EGFLAM: variants seen among roughly 807,000 people sequenced by gnomAD.
EGFLAM encodes the protein EGF like, fibronectin type III and laminin G domains.
In EGFLAM, 79 loss-of-function variants were observed where a neutral mutation model predicts 113.1. The ratio of observed to expected loss-of-function variants is 0.70; its 90% CI spans 0.58 to 0.84. The LOEUF is 0.84. EGFLAM is among the 40% of genes least tolerant of loss of function. EGFLAM has a pLI of 0.00. For synonymous variants in EGFLAM, 504 were observed against 487.6 expected (o/e 1.03, Z -0.44); for missense variants, 1,265 against 1,291.6 (o/e 0.98, Z 0.32).
chr5:38,325,153 G>A (rs1402120279), intron 1 of EGFLAM, among the ~76,000 whole-genome samples: 1 of 152,092 alleles, frequency 6.6e-6, no homozygotes, highest in African/African-American at 2.4e-5. Flanking sequence ...CTGAGAACAG[G>A]GAATCTGGGC....
At chr5:38,457,498 A>G (rs1743128305) in intron 19 of EGFLAM, among the ~76,000 whole-genome samples, 1 of 152,028 alleles carries the variant, frequency 6.6e-6, no homozygotes, top group African/African-American at 2.4e-5. Flanking sequence ...CCAGTTTCCC[A>G]TGGCTTTCCC....
chr5:38,302,073 C>T (rs1758594632), intron 1 of EGFLAM, among the ~76,000 whole-genome samples: 1 of 152,006 alleles, frequency 6.6e-6, no homozygotes, highest in Admixed American at 6.6e-5. Flanking sequence ...AACCCCGTCT[C>T]TACTAAATAC....
chr5:38,283,378 T>C (rs1302070585), intron 1 of EGFLAM, among the ~76,000 whole-genome samples: 1 of 152,216 alleles, frequency 6.6e-6, no homozygotes, highest in Non-Finnish European at 1.5e-5. Context: ...TATAATTTGC[T>C]TCTAGATCAT....
intron 1 of EGFLAM, among the ~76,000 whole-genome samples, chr5:38,326,318 T>C (rs923026434): frequency 5.3e-5 from 8 of 152,204 alleles, no homozygotes; most frequent in African/African-American, 1.4e-4. Flanking sequence ...TGAAAAATCC[T>C]GTTCTAGCTG....
intron 6 of EGFLAM, among the ~76,000 whole-genome samples, chr5:38,390,745 T>G (rs1740787233): frequency 6.6e-6 from 1 of 152,216 alleles, no homozygotes. Flanking sequence ...TCTAATGAAG[T>G]TAAGCATAAC....
In EGFLAM at chr5:38,407,138, G is replaced by A. The variant is rs767724744; in HGVS notation, c.1139G>A (p.Cys380Tyr). The change falls in exon 8 of 22, where the codon TGC becomes TAC. Residue 380 changes from cysteine (C) to tyrosine (Y), a missense_variant. Cys to Tyr is a radical substitution (Grantham distance 194). Coordinates refer to ENST00000322350, the MANE Select transcript of EGFLAM (RefSeq NM_152403.4). ...QCTLGKGGES[C>Y]SEDIVIQYPQ... ...ACCCTGGGCAAAGGTGGTGAGAGCT[G>A]CTCAGAAGGTAGGCCCTTGGGGGAG... 1.9e-6 allele frequency: 3 copies of A among 1,609,806 alleles called. No homozygotes were observed. The highest frequency in any genetic ancestry group is 2.5e-6 in the Non-Finnish European group (3 of 1,179,592).
At chr5:38,422,945 C>T (rs1279302455) in intron 12 of EGFLAM, among the ~76,000 whole-genome samples, 1 of 152,174 alleles carries the variant, frequency 6.6e-6, no homozygotes, top group Non-Finnish European at 1.5e-5. Flanking sequence ...CTCCAGCTCA[C>T]ACAGGTGCCA....
intron 6 of EGFLAM, among the ~76,000 whole-genome samples, chr5:38,386,982 A>C (rs1291576383): frequency 6.6e-6 from 1 of 152,206 alleles, no homozygotes; most frequent in Non-Finnish European, 1.5e-5. Flanking sequence ...TTTGTGGGTC[A>C]GGGAACTGGG....
intron 20 of EGFLAM, chr5:38,461,285 T>TAA (rs1743263169): frequency 6.6e-6 from 1 of 152,180 alleles, no homozygotes; most frequent in South Asian, 2.1e-4. Flanking sequence ...TGAAGAAAAT[T>TAA]AACATCCTTG....
rs902574762 is a variant in EGFLAM at position 38,416,066 on chromosome 5, T to TAA, written c.1495-1994_1495-1993dup. 5.2e-4 allele frequency among the ~76,000 whole-genome samples: 79 copies of TAA among 151,582 alleles called. 1 individual carries two copies. Among genetic ancestry groups the TAA allele is most frequent in the African/African-American group, 1.6e-3 (68 of 41,326 alleles). On this transcript the variant is annotated intron_variant, in intron 11 of 21. Transcript: ENST00000322350. ...AAGCCATATCATCATGTTTTTTTTT[T>TAA]AAAAAAATAAGTAATTGCAAGAAGC...
In EGFLAM at chr5:38,258,791, C is replaced by T. The variant is rs772344071; in HGVS notation, c.37C>T (p.Leu13Phe). The T allele has an allele frequency of 1.1e-5, 17 of 1,612,394 alleles. No homozygotes were observed. In the East Asian group the frequency reaches 3.8e-4, roughly 36 times the overall value. The change falls in exon 1 of 22, where the codon CTC becomes TTC. Residue 13 changes from leucine to phenylalanine, a missense_variant. Physicochemically the swap from Leu to Phe is conservative, Grantham distance 22 (BLOSUM62 0). Coordinates refer to ENST00000322350, the MANE Select transcript of EGFLAM (RefSeq NM_152403.4). ...CCGAGGCGTCTTGCTCCGGCTCCTG[C>T]TCCTGGCTTCCAGCCTCGGACCCGG... is the stretch of plus-strand genomic sequence containing the variant. ...LIRGVLLRLLLLASSLGPGAV... is the reference protein window; with the variant it reads ...LIRGVLLRLLFLASSLGPGAV...
At chr5:38,454,239 T>C (rs1166236388) in intron 19 of EGFLAM, among the ~76,000 whole-genome samples, 1 of 152,164 alleles carries the variant, frequency 6.6e-6, no homozygotes, top group Admixed American at 6.5e-5. Flanking sequence ...GGTTTGAAGA[T>C]GTCAGCGGTG....
At chr5:38,290,110 C>T (rs2111788106) in intron 1 of EGFLAM, among the ~76,000 whole-genome samples, 1 of 152,234 alleles carries the variant, frequency 6.6e-6, no homozygotes, top group South Asian at 2.1e-4. Flanking sequence ...GAGATGAAGA[C>T]TTGGGTGCCA....
chr5:38,272,019 C>G (rs16903920), intron 1 of EGFLAM, among the ~76,000 whole-genome samples: 62,898 of 152,070 alleles, frequency 0.41, 13,551 homozygotes, highest in Middle Eastern at 0.56. Flanking sequence ...CATTTTTGCA[C>G]AACATATGCA....
chr5:38,425,055 C>G lies in EGFLAM; in HGVS notation c.1773C>G (p.Leu591=). The change falls in exon 13 of 22, where the codon CTC becomes CTG. Residue 591 remains leucine, a synonymous_variant. Coordinates refer to ENST00000322350, the MANE Select transcript of EGFLAM (RefSeq NM_152403.4). ...TAIKADSYIC[L]CPLGFKGRHC... is the part of the protein sequence containing the mutation. ...TCAAAGCCGACTCCTACATTTGCCT[C>G]TGTCCCCTTGGGTTTAAAGGTCGAC... 1 of 1,614,106 alleles carries G rather than the reference C, an allele frequency of 6.2e-7. No homozygotes were observed. Among genetic ancestry groups the G allele is most frequent in the Non-Finnish European group, 8.5e-7 (1 of 1,179,988 alleles).
At chr5:38,403,035 G>C (rs1183651666) in intron 6 of EGFLAM, among the ~76,000 whole-genome samples, 1 of 152,208 alleles carries the variant, frequency 6.6e-6, no homozygotes, top group African/African-American at 2.4e-5. Flanking sequence ...TTATGTATGT[G>C]CTGTATAATT....
At chr5:38,330,681 C>T (rs1739018038) in intron 1 of EGFLAM, among the ~76,000 whole-genome samples, 1 of 152,190 alleles carries the variant, frequency 6.6e-6, no homozygotes, top group Non-Finnish European at 1.5e-5. Flanking sequence ...CTGCCTTGAT[C>T]ACTTGCAATT....
chr5:38,456,058 C>T (rs545724300), intron 19 of EGFLAM, among the ~76,000 whole-genome samples: 61 of 152,164 alleles, frequency 4.0e-4, no homozygotes, highest in Non-Finnish European at 5.0e-4. Context: ...TTGGTGGCAA[C>T]TTTCTCCTTC....
intron 1 of EGFLAM, among the ~76,000 whole-genome samples, chr5:38,269,782 C>T (rs112633193): frequency 1.1e-4 from 16 of 152,166 alleles, no homozygotes; most frequent in Admixed American, 3.9e-4. Flanking sequence ...AGCCACTGCG[C>T]CTGGCCTGAA....
Sources: gnomAD v4.1 joint callset for allele counts (sites outside exome capture counted in the v4.1 genomes callset) on GRCh38, gnomAD v4.1.1 for gene constraint, MANE v1.5 for transcripts, NCBI Gene and HGNC (gene_info 2026-07-23, HGNC 2026-07-21) for gene names.